The following MAPK8 variants were observed in gnomAD, a reference collection of about 807,000 sequenced individuals.
MAPK8 encodes JUN N-terminal kinase.
A neutral mutation model predicts 52.9 loss-of-function variants in MAPK8; 13 were observed. The ratio of observed to expected loss-of-function variants is 0.25; its 90% CI spans 0.16 to 0.39. MAPK8 has a LOEUF of 0.39. Ranked by LOEUF, MAPK8 falls within the 10% of genes least tolerant of loss-of-function variation. MAPK8 has a pLI of 1.00. For synonymous variants in MAPK8, 191 were observed against 169.8 expected (o/e 1.12, Z -0.97); for missense variants, 300 against 519.2 (o/e 0.58, Z 4.10).
chr10:48,355,564 C>CA (rs964050886), intron 1 of MAPK8, among the ~76,000 whole-genome samples: 1 of 149,524 alleles, frequency 6.7e-6, no homozygotes, highest in African/African-American at 2.5e-5. Flanking sequence ...TATATAAACT[C>CA]AAAAAAGGAA....
chr10:48,383,711 T>A (rs1050891084), intron 1 of MAPK8, among the ~76,000 whole-genome samples: 8 of 152,228 alleles, frequency 5.3e-5, no homozygotes, highest in Admixed American at 3.3e-4. Context: ...AGTTGTTAGA[T>A]CTGTATTTTT....
At chr10:48,373,965 G>C (rs907698077) in intron 1 of MAPK8, among the ~76,000 whole-genome samples, 1 of 151,934 alleles carries the variant, frequency 6.6e-6, no homozygotes, top group Non-Finnish European at 1.5e-5. Context: ...GCACCACATC[G>C]CACTTATACT....
intron 1 of MAPK8, among the ~76,000 whole-genome samples, chr10:48,372,326 A>T (rs1038042441): frequency 6.6e-6 from 1 of 152,142 alleles, no homozygotes; most frequent in Non-Finnish European, 1.5e-5. Flanking sequence ...CCTCCAAAGG[A>T]TCACAACTCC....
chr10:48,385,776 A>G (rs895273685), intron 1 of MAPK8, among the ~76,000 whole-genome samples: 8 of 152,186 alleles, frequency 5.3e-5, no homozygotes, highest in Non-Finnish European at 8.8e-5. Context: ...TAGATTTGTC[A>G]TATTTGGTTA....
intron 1 of MAPK8, among the ~76,000 whole-genome samples, chr10:48,386,767 C>A (rs1312381738): frequency 6.6e-6 from 1 of 152,122 alleles, no homozygotes; most frequent in Non-Finnish European, 1.5e-5. Context: ...GAGTTCAAGG[C>A]CAGTGGGCCA....
intron 2 of MAPK8, among the ~76,000 whole-genome samples, chr10:48,403,093 G>A (rs1394678031): frequency 6.6e-6 from 1 of 152,050 alleles, no homozygotes; most frequent in Admixed American, 6.6e-5. Flanking sequence ...ACCAAACTTA[G>A]GATGTTGTTT....
intron 5 of MAPK8, among the ~76,000 whole-genome samples, chr10:48,417,329 C>T (rs929409072): frequency 1.3e-5 from 2 of 152,174 alleles, no homozygotes; most frequent in Non-Finnish European, 2.9e-5. Context: ...TTGAGGCTGT[C>T]TTCAGTCTTC....
Position 48,437,097 on chromosome 10 carries a change from CTG to C in MAPK8, c.*2070_*2071del, listed in dbSNP as rs2044910372. The C allele has an allele frequency of 6.6e-6, 1 of 152,170 alleles. No individual in the cohort carries two copies. The highest frequency in any genetic ancestry group is 6.5e-5 in the Admixed American group (1 of 15,272). 9.4% of individuals were successfully genotyped at this position (152,170 alleles called of 1,614,324 possible). A position where few individuals can be genotyped will look rare whatever the true frequency, so the allele number is the denominator to read the frequency against. Reference sequence around the variant, plus strand: ...TAAGTAAGGAAAACCAGGTGTGTGTCTGTATCATTTATTGTAAATGCCAGCTG... The same window carrying C: ...TAAGTAAGGAAAACCAGGTGTGTGTCTATCATTTATTGTAAATGCCAGCTG... On this transcript the variant is annotated 3_prime_UTR_variant, in exon 12 of 12. Transcript: ENST00000374189.
intron 1 of MAPK8, among the ~76,000 whole-genome samples, chr10:48,345,068 A>G (rs1034307336): frequency 3.9e-5 from 6 of 152,268 alleles, no homozygotes; most frequent in African/African-American, 1.4e-4. Context: ...GTAATAATAT[A>G]AGATGCGGCA....
chr10:48,332,440 A>G (rs1343398917), intron 1 of MAPK8, among the ~76,000 whole-genome samples: 1 of 152,204 alleles, frequency 6.6e-6, no homozygotes, highest in African/African-American at 2.4e-5. Flanking sequence ...TTTGTGTAAT[A>G]TAGACGTTAG....
intron 1 of MAPK8, among the ~76,000 whole-genome samples, chr10:48,366,842 G>A (rs927942176): frequency 2.6e-5 from 4 of 151,364 alleles, no homozygotes. Context: ...TCAAATATTT[G>A]GAAAGCTTTA....
At chr10:48,422,425 C>T (rs2043421006) in intron 6 of MAPK8, among the ~76,000 whole-genome samples, 1 of 152,180 alleles carries the variant, frequency 6.6e-6, no homozygotes. Flanking sequence ...ATATTTTTAA[C>T]TGCTTAATAG....
intron 1 of MAPK8, among the ~76,000 whole-genome samples, chr10:48,346,061 C>T (rs914080406): frequency 1.3e-5 from 2 of 152,114 alleles, no homozygotes; most frequent in Non-Finnish European, 2.9e-5. Context: ...TGAACTCCCA[C>T]GTATGCTTAA....
At position 48,364,333 on chromosome 10, in the gene MAPK8, A is replaced by G. The variant is rs76495831; in HGVS notation, c.-49-37279A>G. Among the ~76,000 whole-genome samples the G allele has an allele frequency of 6.4e-4, 98 of 152,266 alleles. 1 individual carries two copies. The East Asian group carries it at 0.017, about 27-fold the overall frequency. ...TTGGTATCTTGAGTTTTTGAAGCCA[A>G]ATAATGAGTATAATGAAATGGCTCA... On this transcript the variant is annotated intron_variant, in intron 1 of 11. Coordinates refer to ENST00000374189, the MANE Select transcript of MAPK8 (RefSeq NM_001323329.2).
intron 1 of MAPK8, among the ~76,000 whole-genome samples, chr10:48,327,662 A>G (rs1843668532): frequency 6.6e-6 from 1 of 152,162 alleles, no homozygotes. Context: ...AATTGGTATC[A>G]CTTTTTTCCT....
chr10:48,356,888 ACGT>A, intron 1 of MAPK8, among the ~76,000 whole-genome samples: 6 of 115,000 alleles, frequency 5.2e-5, no homozygotes, highest in Non-Finnish European at 1.1e-4. Context: ...AAATCCAACT[ACGT>A]AGTTTACCAA....
chr10:48,393,306 G>A (rs910177407), intron 1 of MAPK8, among the ~76,000 whole-genome samples: 1 of 151,942 alleles, frequency 6.6e-6, no homozygotes, highest in African/African-American at 2.4e-5. Flanking sequence ...ACAGGTTTAA[G>A]ACTTACAACT....
chr10:48,429,114 C>T lies in MAPK8; in HGVS notation c.1060+1971C>T, dbSNP rs142769586. Among the ~76,000 whole-genome samples the T allele has an allele frequency of 7.0e-4, 106 of 151,764 alleles. No homozygotes were observed. The East Asian group carries it at 0.013, about 18-fold the overall frequency. On this transcript the variant is annotated intron_variant, in intron 10 of 11. Transcript: ENST00000374189. Reference sequence around the variant, plus strand: ...TGGGATTATAAGTCTTAAGCCACTGCGCCCAGCCTAATTTTTAAAAAAAAA... The same window carrying T: ...TGGGATTATAAGTCTTAAGCCACTGTGCCCAGCCTAATTTTTAAAAAAAAA...
intron 5 of MAPK8, among the ~76,000 whole-genome samples, chr10:48,413,454 T>G (rs1261301927): frequency 6.6e-6 from 1 of 152,180 alleles, no homozygotes; most frequent in Admixed American, 6.5e-5. Flanking sequence ...ACACTTTTAT[T>G]TTTTTCATAG....
Sources: allele counts gnomAD v4.1 joint callset (sites outside exome capture counted in the v4.1 genomes callset), GRCh38; gene constraint gnomAD v4.1.1; transcripts MANE v1.5; gene names NCBI Gene and HGNC (gene_info 2026-07-23, HGNC 2026-07-21).